Variants in NKAIN2 observed in about 807,000 individuals in gnomAD.
The protein encoded by NKAIN2 is sodium/potassium transporting ATPase interacting 2.
NKAIN2 carries 14 observed loss-of-function variants against 32.6 expected under a neutral mutation model. The observed-to-expected ratio is 0.43, with a 90% confidence interval of 0.28 to 0.67. The LOEUF (loss-of-function observed/expected upper bound fraction) is 0.67. Among genes scored for constraint, NKAIN2 ranks in the 30% least tolerant of loss-of-function variants. The pLI, the probability that NKAIN2 is intolerant of heterozygous loss-of-function variation, is 0.17. For missense variants in NKAIN2, 198 were observed against 258.3 expected (o/e 0.77, Z 1.60); for synonymous variants, 80 against 87.2 (o/e 0.92, Z 0.46).
At chr6:124,091,817 T>C (rs1052416938) in intron 1 of NKAIN2, among the ~76,000 whole-genome samples, 9 of 151,978 alleles carry the variant, frequency 5.9e-5, no homozygotes, top group Admixed American at 1.3e-4. Context: ...CCACCTTTTC[T>C]ACCTGGTCTA....
At chr6:124,793,166 G>A (rs535983314) in intron 5 of NKAIN2, among the ~76,000 whole-genome samples, 1 of 152,038 alleles carries the variant, frequency 6.6e-6, no homozygotes, top group Non-Finnish European at 1.5e-5. Flanking sequence ...ACTGTGATAA[G>A]GGAAAAAGAG....
chr6:124,161,788 T>C (rs1285484717), intron 1 of NKAIN2, among the ~76,000 whole-genome samples: 3 of 152,038 alleles, frequency 2.0e-5, no homozygotes, highest in African/African-American at 7.2e-5. Context: ...CATTGAGGAC[T>C]ACTGGAGAGG....
intron 1 of NKAIN2, among the ~76,000 whole-genome samples, chr6:124,175,295 G>A (rs1328634127): frequency 6.6e-6 from 1 of 152,148 alleles, no homozygotes; most frequent in Non-Finnish European, 1.5e-5. Context: ...ACATCTGTAT[G>A]AAGGCATTAC....
At chr6:123,960,207 C>T (rs1363146362) in intron 1 of NKAIN2, among the ~76,000 whole-genome samples, 1 of 152,132 alleles carries the variant, frequency 6.6e-6, no homozygotes, top group African/African-American at 2.4e-5. Context: ...GCATACTGTT[C>T]AAATTAAAGA....
chr6:124,553,433 G>A (rs1451796497), intron 3 of NKAIN2, among the ~76,000 whole-genome samples: 2 of 152,062 alleles, frequency 1.3e-5, no homozygotes, highest in African/African-American at 4.8e-5. Flanking sequence ...TCAGCCTCCC[G>A]AGTAGCTGGG....
intron 1 of NKAIN2, among the ~76,000 whole-genome samples, chr6:123,902,365 A>C (rs1355234597): frequency 6.6e-6 from 1 of 152,150 alleles, no homozygotes; most frequent in Non-Finnish European, 1.5e-5. Context: ...AATCCAAAAT[A>C]AAAAAGGCTA....
chr6:124,454,096 GT>G (rs34030256), intron 3 of NKAIN2, among the ~76,000 whole-genome samples: 33,051 of 82,348 alleles, frequency 0.4, 4,644 homozygotes, highest in Non-Finnish European at 0.51. Flanking sequence ...AATATGTTGG[GT>G]TTTTTTTTTG....
intron 1 of NKAIN2, among the ~76,000 whole-genome samples, chr6:124,230,354 A>G (rs754229536): frequency 6.6e-6 from 1 of 152,208 alleles, no homozygotes; most frequent in African/African-American, 2.4e-5. Flanking sequence ...AGAGCATAAA[A>G]GTTTGGAAAA....
chr6:124,165,966 G>T (rs531048793), intron 1 of NKAIN2, among the ~76,000 whole-genome samples: 1 of 105,234 alleles, frequency 9.5e-6, no homozygotes, highest in Admixed American at 1.1e-4. Flanking sequence ...GAATAGTGCC[G>T]CAATAAACAT....
At chr6:124,504,246 A>G (rs563795696) in intron 3 of NKAIN2, among the ~76,000 whole-genome samples, 3 of 152,242 alleles carry the variant, frequency 2.0e-5, no homozygotes, top group South Asian at 4.1e-4. Flanking sequence ...TCATTAATAA[A>G]CTAAATAAAT....
In NKAIN2 at chr6:123,989,541, A is replaced by G. The variant is rs1052953561; in HGVS notation, c.54+185287A>G. ...ATTAGTCATCCATAGCATGTATAAAATAAATGGGAAAAAGCCATTTCATTA... is the reference window on the plus strand; with the variant it reads ...ATTAGTCATCCATAGCATGTATAAAGTAAATGGGAAAAAGCCATTTCATTA... On this transcript the variant is annotated intron_variant, in intron 1 of 6. Coordinates refer to ENST00000368417, the MANE Select transcript of NKAIN2 (RefSeq NM_001040214.3). Among the ~76,000 whole-genome samples the G allele has an allele frequency of 3.9e-5, 6 of 152,340 alleles. 1 individual carries two copies. The highest frequency in any genetic ancestry group is 7.2e-5 in the African/African-American group (3 of 41,584).
At chr6:124,091,864 C>T (rs1006396272) in intron 1 of NKAIN2, among the ~76,000 whole-genome samples, 3 of 151,932 alleles carry the variant, frequency 2.0e-5, no homozygotes, top group Non-Finnish European at 4.4e-5. Flanking sequence ...GACTCTTTCC[C>T]GCATCATATG....
intron 1 of NKAIN2, among the ~76,000 whole-genome samples, chr6:124,153,923 G>A (rs1352830225): frequency 8.5e-6 from 1 of 117,088 alleles, no homozygotes; most frequent in Non-Finnish European, 1.8e-5. Flanking sequence ...GCATTCATAT[G>A]TTATCTATTC....
At chr6:124,291,299 T>G (rs1036884779) in intron 2 of NKAIN2, among the ~76,000 whole-genome samples, 12 of 152,118 alleles carry the variant, frequency 7.9e-5, no homozygotes, top group Non-Finnish European at 1.6e-4. Flanking sequence ...ATTATTGTTT[T>G]GGCATTTCAA....
chr6:124,067,848 T>C (rs1783266289), intron 1 of NKAIN2, among the ~76,000 whole-genome samples: 1 of 152,206 alleles, frequency 6.6e-6, no homozygotes, highest in Non-Finnish European at 1.5e-5. Flanking sequence ...AAATATGTAT[T>C]GGGCACCTAT....
intron 3 of NKAIN2, among the ~76,000 whole-genome samples, chr6:124,393,215 T>A (rs1773218615): frequency 1.3e-5 from 2 of 152,172 alleles, no homozygotes; most frequent in Admixed American, 1.3e-4. Context: ...TACATTTAAG[T>A]GTGTGAAATT....
At chr6:124,606,407 A>G (rs1652407382) in intron 3 of NKAIN2, among the ~76,000 whole-genome samples, 1 of 152,060 alleles carries the variant, frequency 6.6e-6, no homozygotes, top group African/African-American at 2.4e-5. Context: ...CTATCTGCTC[A>G]TTGCACTTAT....
chr6:124,376,414 T>C (rs1350703976), intron 3 of NKAIN2, among the ~76,000 whole-genome samples: 1 of 152,118 alleles, frequency 6.6e-6, no homozygotes, highest in African/African-American at 2.4e-5. Context: ...TAAAAAGTTA[T>C]GGGGAAATGC....
intron 4 of NKAIN2, among the ~76,000 whole-genome samples, chr6:124,684,816 G>C (rs542603804): frequency 2.6e-4 from 40 of 152,218 alleles, no homozygotes; most frequent in Middle Eastern, 3.4e-3. Flanking sequence ...AATAACAATA[G>C]CAAACCACCC....
Sources: gnomAD v4.1 joint callset for allele counts (sites outside exome capture counted in the v4.1 genomes callset) on GRCh38, gnomAD v4.1.1 for gene constraint, MANE v1.5 for transcripts, NCBI Gene and HGNC (gene_info 2026-07-23, HGNC 2026-07-21) for gene names.